ADGRB2: variants seen among roughly 807,000 people sequenced by gnomAD.
ADGRB2 encodes adhesion G protein-coupled receptor B2.
ADGRB2 carries 47 observed loss-of-function variants against 178.7 expected under a neutral mutation model. The ratio of observed to expected loss-of-function variants is 0.26; its 90% CI spans 0.21 to 0.34. The LOEUF is 0.34. Among genes scored for constraint, ADGRB2 ranks in the 10% least tolerant of loss-of-function variants. The probability of loss-of-function intolerance (pLI) is 1.00; values close to 1 mark genes in which losing one functional copy is unlikely to be tolerated. For synonymous variants in ADGRB2, 870 were observed against 912.4 expected (o/e 0.95, Z 0.84); for missense variants, 1,584 against 2,180.8 (o/e 0.73, Z 5.45).
chr1:31,728,687 G>A lies in ADGRB2; in HGVS notation c.4381-54C>T, dbSNP rs1348813518. Reference sequence around the variant, plus strand: ...AGGAGAAGAAAGCTTTTTACCACCGGCAGGGGCTTTAGAGACAGGAAGCCT... The same window carrying A: ...AGGAGAAGAAAGCTTTTTACCACCGACAGGGGCTTTAGAGACAGGAAGCCT... On this transcript the variant is annotated intron_variant, in intron 29 of 32. Coordinates refer to ENST00000373658, the MANE Select transcript of ADGRB2 (RefSeq NM_001364857.2). This position sits in a 1 kb window ranked among gnomAD's most constrained non-coding sequence, Gnocchi z 6.7. The A allele has an allele frequency of 4.4e-6, 7 of 1,602,502 alleles. No homozygotes were observed. In the Admixed American group the frequency reaches 1.2e-4, roughly 27 times the overall value.
chr1:31,753,394 G>A lies in ADGRB2; in HGVS notation c.838+2605C>T, dbSNP rs1205849238. Among the ~76,000 whole-genome samples the A allele has an allele frequency of 6.6e-6, 1 of 152,214 alleles. No homozygotes were observed. The highest frequency in any genetic ancestry group is 1.5e-5 in the Non-Finnish European group (1 of 68,040). The stretch of plus-strand genomic sequence containing the variant: ...CTTGTCAAACTCACTCGGCTCTGAG[G>A]CGTCCCAGGCACTCCGCCAGTCACT... On this transcript the variant is annotated intron_variant, in intron 4 of 32. Coordinates refer to ENST00000373658, the MANE Select transcript of ADGRB2 (RefSeq NM_001364857.2). This position sits in a 1 kb window ranked among gnomAD's most constrained non-coding sequence, Gnocchi z 4.1.
At position 31,728,025 on chromosome 1, in the gene ADGRB2, G is replaced by C; in HGVS notation, c.4572C>G (p.Thr1524=). The change falls in exon 32 of 33, where the codon ACC becomes ACG. Residue 1524 remains threonine (T), a splice_region_variant and synonymous_variant. Transcript: ENST00000373658. The surrounding 1 kb of genome is among the most constrained non-coding windows in gnomAD (Gnocchi z 6.7). Reference sequence around the variant, plus strand: ...CCCCACCCAGCCCGGGGGGACTCACGGTGCACACGCTCCGCTCGGCTGCCC... The same window carrying C: ...CCCCACCCAGCCCGGGGGGACTCACCGTGCACACGCTCCGCTCGGCTGCCC... The part of the protein sequence containing the change: ...SGGAAERSVC[T]DKPSPGERPS... The C allele has an allele frequency of 6.4e-7, 1 of 1,564,918 alleles. No individual in the cohort carries two copies. The highest frequency in any genetic ancestry group is 8.6e-7 in the Non-Finnish European group (1 of 1,159,758).
chr1:31,736,784 G>T, intron 20 of ADGRB2, 61 bp from the exon 21 acceptor site: 2 of 1,559,668 alleles, frequency 1.3e-6, no homozygotes, highest in Non-Finnish European at 1.7e-6. Flanking sequence ...GGAGGCGCCG[G>T]GCTTCCCACG....
chr1:31,735,260 G>A lies in ADGRB2; in HGVS notation c.3375C>T (p.Ala1125=). The change falls in exon 25 of 33, where the codon GCC becomes GCT. Residue 1125 remains alanine, a synonymous_variant. Transcript: ENST00000373658. This position sits in a 1 kb window ranked among gnomAD's most constrained non-coding sequence, Gnocchi z 6.0. The stretch of plus-strand genomic sequence containing the variant: ...ACGCTGAGCAGGGGAGGAGCAGGCT[G>A]GCCCAGGGGCACCGCTCCGACCTCG... ...QRAGSERCPW[A]SLLLPCSACG... 6.8e-7 allele frequency: 1 copy of A among 1,473,258 alleles called. No homozygotes were observed. Among genetic ancestry groups the A allele is most frequent in the Non-Finnish European group, 9.1e-7 (1 of 1,104,452 alleles). The allele number at this position is 1,473,258 out of a possible 1,614,324, so 91.3% of individuals were successfully genotyped here.
At position 31,740,039 on chromosome 1, in the gene ADGRB2, G is replaced by A. The variant is rs1455817924; in HGVS notation, c.2059-5C>T. On this transcript the variant is annotated splice_polypyrimidine_tract_variant and splice_region_variant and intron_variant, in intron 13 of 32. Coordinates refer to ENST00000373658, the MANE Select transcript of ADGRB2 (RefSeq NM_001364857.2). The surrounding 1 kb of genome is among the most constrained non-coding windows in gnomAD (Gnocchi z 5.9). ...GTGCACAGAGCCAGGGGACACCTGG[G>A]GACAGAAAGTGTGTAAGGGTCCAAG... 5 of 1,614,028 alleles carry A rather than the reference G, an allele frequency of 3.1e-6. No individual in the cohort carries two copies. The highest frequency in any genetic ancestry group is 1.3e-5 in the African/African-American group (1 of 74,926).
rs2297600 is a variant in ADGRB2, at chr1:31,741,980, T to G, written c.1418-13A>C. The G allele has an allele frequency of 0.22, 340,257 of 1,582,088 alleles. 47,165 individuals carry two copies. The highest frequency in any genetic ancestry group is 0.67 in the African/African-American group (49,952 of 74,454). On this transcript the variant is annotated splice_polypyrimidine_tract_variant and intron_variant, in intron 8 of 32. Coordinates refer to ENST00000373658, the MANE Select transcript of ADGRB2 (RefSeq NM_001364857.2). The surrounding 1 kb of genome is among the most constrained non-coding windows in gnomAD (Gnocchi z 6.5). ...TTGCTATCAGTGGCTGTGGGAGAGG[T>G]GAGGCATATGAGTGGGCCCAGGTAC... is the stretch of plus-strand genomic sequence containing the variant.
Position 31,761,020 on chromosome 1 carries a change from G to C in ADGRB2, c.-191+2864C>G, listed in dbSNP as rs1647026855. On this transcript the variant is annotated intron_variant, in intron 1 of 32. Coordinates refer to ENST00000373658, the MANE Select transcript of ADGRB2 (RefSeq NM_001364857.2). The surrounding 1 kb of genome is among the most constrained non-coding windows in gnomAD (Gnocchi z 4.2). The stretch of plus-strand genomic sequence containing the variant: ...ACAAGGGGCAGCCCTCGGCCCCTGG[G>C]GGCGGTGCCGCGCGGGCGGCGGGGG... 6.6e-6 allele frequency: 1 copy of C among 151,292 alleles called. No homozygotes were observed. Among genetic ancestry groups the C allele is most frequent in the Non-Finnish European group, 1.5e-5 (1 of 67,758 alleles). 9.4% of individuals were successfully genotyped at this position (151,292 alleles called of 1,614,324 possible).
At chr1:31,736,230 C>T (rs1645600426) in intron 22 of ADGRB2, 91 bp downstream of exon 22, 3 of 1,461,858 alleles carry the variant, frequency 2.1e-6, no homozygotes, top group Non-Finnish European at 2.8e-6. Flanking sequence ...AGACCCAAAA[C>T]AGGCATGGGC....
Position 31,735,305 on chromosome 1 carries a change from A to G in ADGRB2, c.3354-24T>C. ...ACCTCGGGGGCGGCACAGACATGGG[A>G]GAAGGAGGGGAAACACATGGGAAGC... On this transcript the variant is annotated intron_variant, in intron 24 of 32. Transcript: ENST00000373658. The surrounding 1 kb of genome is among the most constrained non-coding windows in gnomAD (Gnocchi z 6.0). The G allele has an allele frequency of 6.8e-7, 1 of 1,464,276 alleles. No homozygotes were observed. The highest frequency in any genetic ancestry group is 9.1e-7 in the Non-Finnish European group (1 of 1,095,442). 90.7% of individuals were successfully genotyped at this position (1,464,276 alleles called of 1,614,324 possible). A position where few individuals can be genotyped will look rare whatever the true frequency, so the allele number is the denominator to read the frequency against.
rs1224731162 is a variant in ADGRB2, at chr1:31,741,521, C to T, written c.1688-42G>A. On this transcript the variant is annotated intron_variant, in intron 10 of 32. Coordinates refer to ENST00000373658, the MANE Select transcript of ADGRB2 (RefSeq NM_001364857.2). The surrounding 1 kb of genome is among the most constrained non-coding windows in gnomAD (Gnocchi z 6.5). ...CAGAGGTCTGGGCATGGGGGCCGAG[C>T]TCTCACCCACACTCCTCCGTATCTC... 4.4e-6 allele frequency: 7 copies of T among 1,581,856 alleles called. No homozygotes were observed. The highest frequency in any genetic ancestry group is 3.6e-5 in the Admixed American group (2 of 54,890).
chr1:31,732,015 A>C (rs1029065065), intron 28 of ADGRB2, 100 bp downstream of exon 28: 1 of 1,495,560 alleles, frequency 6.7e-7, no homozygotes, highest in East Asian at 2.3e-5. Context: ...GCTGGACTCC[A>C]GCAGCCAGAA....
chr1:31,746,164 G>A (rs1646260791), intron 4 of ADGRB2, among the ~76,000 whole-genome samples: 1 of 152,044 alleles, frequency 6.6e-6, no homozygotes, highest in Non-Finnish European at 1.5e-5. Context: ...ATTATACTCC[G>A]CCCCCAGGAC....
chr1:31,763,683 A>T (rs1483949244), intron 1 of ADGRB2, among the ~76,000 whole-genome samples: 2 of 149,772 alleles, frequency 1.3e-5, no homozygotes, highest in Middle Eastern at 3.2e-3. Context: ...ACCAGCGATT[A>T]AGGGGGCCTC....
chr1:31,759,560 C>G lies in ADGRB2; in HGVS notation c.-190-2049G>C. 1.7e-6 allele frequency: 1 copy of G among 600,198 alleles called. No individual in the cohort carries two copies. Among genetic ancestry groups the G allele is most frequent in the Non-Finnish European group, 3.0e-6 (1 of 333,768 alleles). 37.2% of individuals were successfully genotyped at this position (600,198 alleles called of 1,614,324 possible). A position where few individuals can be genotyped will look rare whatever the true frequency, so the allele number is the denominator to read the frequency against. On this transcript the variant is annotated intron_variant, in intron 1 of 32. Coordinates refer to ENST00000373658, the MANE Select transcript of ADGRB2 (RefSeq NM_001364857.2). This position sits in a 1 kb window ranked among gnomAD's most constrained non-coding sequence, Gnocchi z 4.3. ...TAACCCAATCCAACCCCCCTCCTCC[C>G]CTCAGTCTCCTTCAGACACCTTCAC...
Position 31,739,878 on chromosome 1 carries a change from T to C in ADGRB2, c.2167+48A>G, listed in dbSNP as rs777179958. On this transcript the variant is annotated intron_variant, in intron 14 of 32. Coordinates refer to ENST00000373658, the MANE Select transcript of ADGRB2 (RefSeq NM_001364857.2). ...TAGGTAGAGGAAAGACAGAACGTCT[T>C]GAGTTCTGGCACATTCAGGACCCCC... 27 of 1,534,374 alleles carry C rather than the reference T, an allele frequency of 1.8e-5. No homozygotes were observed. In the Admixed American group the frequency reaches 4.2e-4, roughly 24 times the overall value.
chr1:31,728,428 C>T lies in ADGRB2; in HGVS notation c.4417-148G>A. On this transcript the variant is annotated intron_variant, in intron 30 of 32. Transcript: ENST00000373658. This position sits in a 1 kb window ranked among gnomAD's most constrained non-coding sequence, Gnocchi z 6.7. ...ACCTAGTTCTCTCTTCACGTTGGTGCTATGGGCTTGGGCAGGGAGGGAATC... is the reference window on the plus strand; with the variant it reads ...ACCTAGTTCTCTCTTCACGTTGGTGTTATGGGCTTGGGCAGGGAGGGAATC... 7.5e-7 allele frequency: 1 copy of T among 1,332,408 alleles called. No individual in the cohort carries two copies. The highest frequency in any genetic ancestry group is 1.1e-6 in the Non-Finnish European group (1 of 934,656). 82.5% of individuals were successfully genotyped at this position (1,332,408 alleles called of 1,614,324 possible). A position where few individuals can be genotyped will look rare whatever the true frequency, so the allele number is the denominator to read the frequency against.
In ADGRB2 at chr1:31,727,562, C is replaced by A. The variant is rs1361561367; in HGVS notation, c.4616G>T (p.Arg1539Leu). The stretch of plus-strand genomic sequence containing the variant: ...GAAGGTGCTCCAGCTCTGATGGCGC[C>A]GATGTTGGGACAAGCTGGGGCGCTC... ...PGERPSLSQHRRHQSWSTFKS... is the reference protein window; with the variant it reads ...PGERPSLSQHLRHQSWSTFKS... Residue 1539 changes from arginine to leucine, a missense_variant, in exon 33 of 33, where the codon CGG (arginine) becomes CTG (leucine). Around this residue, in one of 3 missense-constraint regions of ADGRB2, gnomAD observed 865 missense variants for 1,192.8 expected, o/e 0.73. Coordinates refer to ENST00000373658, the MANE Select transcript of ADGRB2 (RefSeq NM_001364857.2). This position sits in a 1 kb window ranked among gnomAD's most constrained non-coding sequence, Gnocchi z 4.4. The A allele has an allele frequency of 4.4e-6, 7 of 1,573,654 alleles. No homozygotes were observed. The South Asian group carries it at 8.3e-5, about 19-fold the overall frequency.
At chr1:31,734,187 A>G (rs1645446661) in intron 25 of ADGRB2, among the ~76,000 whole-genome samples, 1 of 152,228 alleles carries the variant, frequency 6.6e-6, no homozygotes, top group African/African-American at 2.4e-5. Context: ...TCACAGTAAT[A>G]AGAGCTACGC....
chr1:31,744,473 G>T lies in ADGRB2; in HGVS notation c.923-116C>A, dbSNP rs571035677. On this transcript the variant is annotated intron_variant, in intron 5 of 32. Transcript: ENST00000373658. This position sits in a 1 kb window ranked among gnomAD's most constrained non-coding sequence, Gnocchi z 6.7. ...GGCATCAGAGGGCTCCTCCTACCCT[G>T]ACCCCAAGTAACAGGCTCTTCAGGA... 268 of 1,468,044 alleles carry T rather than the reference G, an allele frequency of 1.8e-4. No homozygotes were observed. The African/African-American group carries it at 3.5e-3, about 19-fold the overall frequency. The allele number at this position is 1,468,044 out of a possible 1,614,324, so 90.9% of individuals were successfully genotyped here. A position where few individuals can be genotyped will look rare whatever the true frequency, so the allele number is the denominator to read the frequency against.
Sources: allele counts gnomAD v4.1 joint callset (sites outside exome capture counted in the v4.1 genomes callset), GRCh38; gene constraint gnomAD v4.1.1; regional missense constraint gnomAD v4.1.1; non-coding constraint Gnocchi (gnomAD v3.1); transcripts MANE v1.5; gene names NCBI Gene and HGNC (gene_info 2026-07-23, HGNC 2026-07-21).